Variants in CEP63 observed in about 807,000 individuals in gnomAD.
CEP63 encodes the protein centrosomal protein of 63 kDa.
A neutral mutation model predicts 89.1 loss-of-function variants in CEP63; 84 were observed. That is an observed-to-expected ratio of 0.94 (90% CI 0.79 to 1.13). CEP63 has a LOEUF of 1.13. Among genes scored for constraint, CEP63 ranks in the 50% most tolerant of loss-of-function variants. The probability of loss-of-function intolerance (pLI) is 0.00; values close to 1 mark genes in which losing one functional copy is unlikely to be tolerated. For synonymous variants in CEP63, 267 were observed against 272.5 expected, an observed-to-expected ratio of 0.98 and a Z score of 0.20; for missense variants, 838 against 813.3, an observed-to-expected ratio of 1.03 and a Z score of -0.37.
At chr3:134,684,303 G>A in the CEP63 span, among the ~76,000 whole-genome samples, 1 of 152,120 alleles carries the variant, frequency 6.6e-6, no homozygotes, top group Non-Finnish European at 1.5e-5. Flanking sequence ...CTTCTTTTCC[G>A]CTGAGATCAT....
the CEP63 span, among the ~76,000 whole-genome samples, chr3:134,732,350 G>A: frequency 1.3e-5 from 2 of 152,070 alleles, no homozygotes; most frequent in Admixed American, 1.3e-4. Context: ...GTTTCCTTCT[G>A]AATTAAATAC....
In CEP63 at chr3:134,549,006, A is replaced by G. The variant is rs1954226497; in HGVS notation, c.1068-56A>G. ...TCAAGAATGTAAATTAGATAGTCCA[A>G]TTTATAGGTTTCAGGATTTTGGTTT... On this transcript the variant is annotated intron_variant, in intron 9 of 14. Coordinates refer to ENST00000675561, the MANE Select transcript of CEP63 (RefSeq NM_001353108.3). 2.9e-6 allele frequency: 3 copies of G among 1,049,916 alleles called. No individual in the cohort carries two copies. The Admixed American group carries it at 5.1e-5, about 18-fold the overall frequency. The allele number at this position is 1,049,916 out of a possible 1,614,324, so 65.0% of individuals were successfully genotyped here. A position where few individuals can be genotyped will look rare whatever the true frequency, so the allele number is the denominator to read the frequency against.
chr3:134,651,423 A>T, the CEP63 span: 2 of 1,079,770 alleles, frequency 1.9e-6, no homozygotes, highest in Non-Finnish European at 1.1e-6. Context: ...CAAATACAGA[A>T]ATCGCACAGT....
At chr3:134,607,164 T>C in the CEP63 span, 1 of 985,470 alleles carries the variant, frequency 1.0e-6, no homozygotes, top group Non-Finnish European at 1.2e-6. Flanking sequence ...CTATGATACA[T>C]TGAACAAGCC....
chr3:134,544,416 G>A (rs1577246183), intron 6 of CEP63, among the ~76,000 whole-genome samples: 1 of 152,148 alleles, frequency 6.6e-6, no homozygotes, highest in Non-Finnish European at 1.5e-5. Flanking sequence ...AAACCAGTTT[G>A]AGATGCATTA....
the CEP63 span, among the ~76,000 whole-genome samples, chr3:134,689,984 T>C: frequency 1.3e-5 from 2 of 152,220 alleles, no homozygotes; most frequent in African/African-American, 4.8e-5. Context: ...AAATTATTTT[T>C]CATTGCTATT....
the CEP63 span, among the ~76,000 whole-genome samples, chr3:134,741,950 C>A: frequency 6.6e-6 from 1 of 151,836 alleles, no homozygotes; most frequent in African/African-American, 2.4e-5. Flanking sequence ...GAGTGGGAAA[C>A]AGTGAGCAAG....
the CEP63 span, among the ~76,000 whole-genome samples, chr3:134,748,254 C>T: frequency 6.6e-6 from 1 of 152,288 alleles, no homozygotes; most frequent in African/African-American, 2.4e-5. Context: ...CCCTCTCCTA[C>T]TCCCTGGGAT....
At chr3:134,559,498 G>A (rs1270505565) in intron 14 of CEP63, 69 bp downstream of exon 14, 1 of 1,333,196 alleles carries the variant, frequency 7.5e-7, no homozygotes, top group African/African-American at 1.5e-5. Context: ...TATTTTAAGG[G>A]TGAAGAAGGT....
chr3:134,628,954 A>G, the CEP63 span, among the ~76,000 whole-genome samples: 1 of 152,238 alleles, frequency 6.6e-6, no homozygotes, highest in Admixed American at 6.5e-5. Flanking sequence ...GGACCTAAAG[A>G]GGACTTGAGC....
the CEP63 span, chr3:134,647,411 G>C: frequency 6.4e-7 from 1 of 1,567,972 alleles, no homozygotes; most frequent in South Asian, 1.1e-5. Context: ...AATCCTATAG[G>C]TTGAAAGGAA....
At chr3:134,485,888 C>A, upstream of CEP63, 1 of 657,894 alleles carries the variant, frequency 1.5e-6, no homozygotes, top group Non-Finnish European at 1.9e-6. Flanking sequence ...GGAAGTCCGA[C>A]ACTGAGCAAC....
At chr3:134,724,814 C>T in the CEP63 span, among the ~76,000 whole-genome samples, 1 of 152,112 alleles carries the variant, frequency 6.6e-6, no homozygotes, top group Non-Finnish European at 1.5e-5. Flanking sequence ...ATTGCAGTTT[C>T]CAAAGCACAA....
intron 14 of CEP63, 85 bp downstream of exon 14, chr3:134,559,514 T>G: frequency 8.6e-7 from 1 of 1,163,294 alleles, no homozygotes; most frequent in Non-Finnish European, 1.2e-6. Flanking sequence ...AAGGTGATTT[T>G]TTTTTCCTTA....
rs1220925323 is a variant in CEP63 at position 134,562,168 on chromosome 3, CCCATGGAATAT to C, written c.*638_*648del. On this transcript the variant is annotated 3_prime_UTR_variant, in exon 15 of 15. Coordinates refer to ENST00000675561, the MANE Select transcript of CEP63 (RefSeq NM_001353108.3). ...AAGGGACTGGCTGTCATGCACGGTG[CCCATGGAATAT>C]CCATTGGAAATAAATGTTCATCGTC... 19 of 986,362 alleles carry C rather than the reference CCCATGGAATAT, an allele frequency of 1.9e-5. No individual in the cohort carries two copies. The highest frequency in any genetic ancestry group is 8.4e-6 in the Non-Finnish European group (7 of 830,736). 61.1% of individuals were successfully genotyped at this position (986,362 alleles called of 1,614,324 possible).
At chr3:134,729,605 C>A in the CEP63 span, among the ~76,000 whole-genome samples, 7 of 152,090 alleles carry the variant, frequency 4.6e-5, no homozygotes, top group African/African-American at 1.4e-4. Context: ...TTGCATTTTT[C>A]CCCCCATTAG....
At chr3:134,692,826 G>A in the CEP63 span, among the ~76,000 whole-genome samples, 1 of 152,186 alleles carries the variant, frequency 6.6e-6, no homozygotes, top group South Asian at 2.1e-4. Context: ...AGCACACTAT[G>A]GCTGTTGGTC....
At chr3:134,704,600 T>C in the CEP63 span, among the ~76,000 whole-genome samples, 4 of 152,328 alleles carry the variant, frequency 2.6e-5, no homozygotes, top group South Asian at 4.1e-4. Flanking sequence ...GCCCTGTCCA[T>C]GGGGAGACAT....
At position 134,547,331 on chromosome 3, in the gene CEP63, A is replaced by G. The variant is rs1282012717; in HGVS notation, c.930-4A>G. The G allele has an allele frequency of 5.0e-6, 8 of 1,613,228 alleles. No homozygotes were observed. The highest frequency in any genetic ancestry group is 1.7e-5 in the Admixed American group (1 of 60,012). ...GTTAACAATCATCCTATGTCTTTCC[A>G]TAGGCCACGGGAAGAATCTCTGGCA... On this transcript the variant is annotated splice_region_variant and splice_polypyrimidine_tract_variant and intron_variant, in intron 8 of 14. Transcript: ENST00000675561.
Sources: gnomAD v4.1 joint callset for allele counts (sites outside exome capture counted in the v4.1 genomes callset) on GRCh38, gnomAD v4.1.1 for gene constraint, MANE v1.5 for transcripts, NCBI Gene and HGNC (gene_info 2026-07-23, HGNC 2026-07-21) for gene names.